TSPAN5: variants seen among roughly 807,000 people sequenced by gnomAD.
The protein encoded by TSPAN5 is tetraspanin 5.
TSPAN5 carries 10 observed loss-of-function variants against 37.1 expected under a neutral mutation model. The observed-to-expected ratio is 0.27, with a 90% CI of 0.17 to 0.46. The LOEUF is 0.46. TSPAN5 is among the 20% of genes least tolerant of loss of function. The pLI is 1.00. For missense variants in TSPAN5, 195 were observed against 326.6 expected, an observed-to-expected ratio of 0.60 and a Z score of 3.11; for synonymous variants, 110 against 118.9, an observed-to-expected ratio of 0.93 and a Z score of 0.48.
intron 4 of TSPAN5, among the ~76,000 whole-genome samples, chr4:98,479,586 C>T (rs963537021): frequency 6.6e-6 from 1 of 152,144 alleles, no homozygotes; most frequent in African/African-American, 2.4e-5. Flanking sequence ...ATGAGGGGCA[C>T]CTGTCCATAT....
At chr4:98,646,649 C>T (rs780947133) in intron 1 of TSPAN5, among the ~76,000 whole-genome samples, 9 of 152,116 alleles carry the variant, frequency 5.9e-5, no homozygotes, top group Non-Finnish European at 7.4e-5. Flanking sequence ...ATAAGAACTG[C>T]GTGCCACTCA....
At chr4:98,526,348 A>G (rs1349337625) in intron 1 of TSPAN5, among the ~76,000 whole-genome samples, 1 of 152,228 alleles carries the variant, frequency 6.6e-6, no homozygotes, top group Non-Finnish European at 1.5e-5. Flanking sequence ...GATAGTAGTC[A>G]TGGCGAGAGG....
chr4:98,491,308 T>C (rs188456463), intron 2 of TSPAN5, among the ~76,000 whole-genome samples: 2 of 152,340 alleles, frequency 1.3e-5, no homozygotes, highest in Admixed American at 1.3e-4. Flanking sequence ...GCCAGTATTT[T>C]TCCCCTTGGG....
intron 1 of TSPAN5, among the ~76,000 whole-genome samples, chr4:98,540,896 T>C (rs1317775441): frequency 6.6e-6 from 1 of 152,222 alleles, no homozygotes; most frequent in Non-Finnish European, 1.5e-5. Flanking sequence ...TCAAGAGATA[T>C]TTAGGGTTAA....
At chr4:98,527,907 T>C (rs1438666258) in intron 1 of TSPAN5, among the ~76,000 whole-genome samples, 1 of 152,188 alleles carries the variant, frequency 6.6e-6, no homozygotes, top group Non-Finnish European at 1.5e-5. Context: ...GAAAAAAGAA[T>C]TCAGAAGTAG....
intron 1 of TSPAN5, among the ~76,000 whole-genome samples, chr4:98,539,622 A>C (rs1296906378): frequency 1.3e-5 from 2 of 152,162 alleles, no homozygotes; most frequent in Non-Finnish European, 2.9e-5. Flanking sequence ...AGGGGGAAGA[A>C]AAGGAGAACT....
intron 1 of TSPAN5, among the ~76,000 whole-genome samples, chr4:98,603,556 T>C (rs933706200): frequency 1.3e-5 from 2 of 152,192 alleles, no homozygotes; most frequent in Non-Finnish European, 2.9e-5. Flanking sequence ...ACTGTGGTGT[T>C]TGTCTTCTGC....
At chr4:98,506,991 CAG>C (rs1189243569) in intron 2 of TSPAN5, among the ~76,000 whole-genome samples, 1 of 152,156 alleles carries the variant, frequency 6.6e-6, no homozygotes, top group Non-Finnish European at 1.5e-5. Flanking sequence ...GGTGTGGACA[CAG>C]GGGGTGTCTG....
chr4:98,580,111 T>C (rs1327618015), intron 1 of TSPAN5, among the ~76,000 whole-genome samples: 1 of 152,226 alleles, frequency 6.6e-6, no homozygotes, highest in African/African-American at 2.4e-5. Flanking sequence ...AAAATAGATA[T>C]GTTAGTTGAA....
At chr4:98,537,925 T>C (rs999442717) in intron 1 of TSPAN5, among the ~76,000 whole-genome samples, 2 of 152,232 alleles carry the variant, frequency 1.3e-5, no homozygotes, top group Non-Finnish European at 2.9e-5. Flanking sequence ...CCTTCTTCCA[T>C]GCTGAGCTAG....
At chr4:98,567,179 T>C (rs557309166) in intron 1 of TSPAN5, among the ~76,000 whole-genome samples, 74 of 152,336 alleles carry the variant, frequency 4.9e-4, no homozygotes, top group Admixed American at 2.1e-3. Flanking sequence ...GTTGGGCCTA[T>C]GAGGACGCAG....
At chr4:98,618,942 CTG>C (rs1579034685) in intron 1 of TSPAN5, among the ~76,000 whole-genome samples, 1 of 152,162 alleles carries the variant, frequency 6.6e-6, no homozygotes, top group Non-Finnish European at 1.5e-5. Flanking sequence ...TTACGTGCCT[CTG>C]TCTCAGACTT....
intron 1 of TSPAN5, among the ~76,000 whole-genome samples, chr4:98,654,065 A>C (rs527281744): frequency 6.6e-6 from 1 of 152,206 alleles, no homozygotes; most frequent in South Asian, 2.1e-4. Flanking sequence ...TCCAGTGACA[A>C]CTCTGGCTAA....
chr4:98,528,183 C>G (rs973546186), intron 1 of TSPAN5, among the ~76,000 whole-genome samples: 2 of 152,196 alleles, frequency 1.3e-5, no homozygotes, highest in African/African-American at 4.8e-5. Context: ...CTTCTTCATA[C>G]ACTCTGAACG....
intron 3 of TSPAN5, chr4:98,484,418 C>A (rs1471696689): frequency 2.2e-6 from 1 of 455,864 alleles, no homozygotes; most frequent in Admixed American, 2.4e-5. Flanking sequence ...GAAGATTATT[C>A]CAGGCAAGTT....
intron 1 of TSPAN5, among the ~76,000 whole-genome samples, chr4:98,521,939 C>T (rs1355886905): frequency 2.6e-5 from 4 of 152,116 alleles, no homozygotes. Flanking sequence ...TGTTATTAAA[C>T]AGATGTCTGT....
chr4:98,654,149 A>G (rs1757252196), intron 1 of TSPAN5, among the ~76,000 whole-genome samples: 3 of 152,200 alleles, frequency 2.0e-5, no homozygotes, highest in African/African-American at 7.2e-5. Flanking sequence ...GCCTTCCGGT[A>G]AGTCCAACTC....
At chr4:98,645,413 G>A (rs1579052838) in intron 1 of TSPAN5, among the ~76,000 whole-genome samples, 1 of 152,254 alleles carries the variant, frequency 6.6e-6, no homozygotes, top group Admixed American at 6.5e-5. Flanking sequence ...CTATATCTTT[G>A]AGATTCAAAG....
chr4:98,477,342 T>C (rs140333024), intron 5 of TSPAN5, among the ~76,000 whole-genome samples: 29 of 152,272 alleles, frequency 1.9e-4, no homozygotes, highest in African/African-American at 6.5e-4. Context: ...AGTGACTTTG[T>C]CTCCTCTTTC....
Sources: gnomAD v4.1 joint callset for allele counts (sites outside exome capture counted in the v4.1 genomes callset) on GRCh38, gnomAD v4.1.1 for gene constraint, MANE v1.5 for transcripts, NCBI Gene and HGNC (gene_info 2026-07-23, HGNC 2026-07-21) for gene names.